Variants in EPHA3 observed in about 807,000 individuals in gnomAD.
EPHA3 encodes ephrin type-A receptor 3.
A neutral mutation model predicts 107.1 loss-of-function variants in EPHA3; 42 were observed. The ratio of observed to expected loss-of-function variants is 0.39; its 90% CI spans 0.31 to 0.51. The LOEUF (loss-of-function observed/expected upper bound fraction) is 0.51, where lower values mean the gene tolerates loss of function less well. Among genes scored for constraint, EPHA3 ranks in the 20% least tolerant of loss-of-function variants. The probability of loss-of-function intolerance (pLI) is 0.78; values close to 1 mark genes in which losing one functional copy is unlikely to be tolerated. For synonymous variants in EPHA3, 461 were observed against 424.8 expected (o/e 1.09, Z -1.05); for missense variants, 1,183 against 1,211.2 (o/e 0.98, Z 0.35).
At chr3:89,337,194 A>C (rs1707413077) in intron 3 of EPHA3, among the ~76,000 whole-genome samples, 1 of 152,228 alleles carries the variant, frequency 6.6e-6, no homozygotes, top group Non-Finnish European at 1.5e-5. Context: ...TAATTAAATA[A>C]AAGTTTAAAT....
At chr3:89,258,657 A>G (rs1705342767) in intron 3 of EPHA3, among the ~76,000 whole-genome samples, 1 of 152,228 alleles carries the variant, frequency 6.6e-6, no homozygotes, top group Non-Finnish European at 1.5e-5. Context: ...CATTCTATAG[A>G]TTTGAATTAA....
chr3:89,324,718 T>C (rs1480915313), intron 3 of EPHA3, among the ~76,000 whole-genome samples: 1 of 152,138 alleles, frequency 6.6e-6, no homozygotes, highest in Admixed American at 6.6e-5. Flanking sequence ...TCAAGTTTTA[T>C]TTTAGATTCA....
intron 2 of EPHA3, among the ~76,000 whole-genome samples, chr3:89,200,810 C>A (rs1705951003): frequency 6.6e-6 from 1 of 152,132 alleles, no homozygotes; most frequent in Non-Finnish European, 1.5e-5. Context: ...TCCCATATCC[C>A]AAAGATGTGC....
chr3:89,419,304 AGAG>A lies in EPHA3; in HGVS notation c.1992_1994del (p.Arg665del). 6.2e-7 allele frequency: 1 copy of A among 1,610,654 alleles called. No homozygotes were observed. ...CTGAAAGTTGGCTACACAGAAAAGC[AGAG>A]GAGAGACTTCCTGGGAGAAGCAAGC... On this transcript the variant is annotated inframe_deletion, in exon 11 of 17. Transcript: ENST00000336596.
chr3:89,382,503 C>A (rs1708532328), intron 5 of EPHA3, among the ~76,000 whole-genome samples: 1 of 139,782 alleles, frequency 7.2e-6, no homozygotes, highest in Admixed American at 7.2e-5. Context: ...GCAAAAATTC[C>A]ATCTCAAAAA....
chr3:89,219,688 G>GTTTTTTTTTTTTTTTTTTTTTTTTTT, intron 3 of EPHA3, among the ~76,000 whole-genome samples: 3 of 34,440 alleles, frequency 8.7e-5, no homozygotes, highest in Non-Finnish European at 1.6e-4. Flanking sequence ...ATTTGGCAAT[G>GTTTTTTTTTTTTTTTTTTTTTTTTTT]TTTTTTTTTT....
intron 3 of EPHA3, among the ~76,000 whole-genome samples, chr3:89,313,616 A>T (rs971881807): frequency 1.3e-5 from 2 of 151,968 alleles, no homozygotes; most frequent in Non-Finnish European, 2.9e-5. Context: ...AATTTTCATA[A>T]GTCTATGTCC....
intron 5 of EPHA3, among the ~76,000 whole-genome samples, chr3:89,343,075 C>T (rs1339628916): frequency 6.6e-6 from 1 of 152,160 alleles, no homozygotes; most frequent in Non-Finnish European, 1.5e-5. Context: ...CCTCTGGTCC[C>T]TAGTGGGAAT....
At chr3:89,455,413 A>T (rs190267123) in intron 15 of EPHA3, among the ~76,000 whole-genome samples, 96 of 152,352 alleles carry the variant, frequency 6.3e-4, no homozygotes, top group African/African-American at 2.3e-3. Context: ...AGAGAATAAT[A>T]TGACTGAAGG....
chr3:89,344,216 A>T (rs1055949706), intron 5 of EPHA3, among the ~76,000 whole-genome samples: 4 of 152,166 alleles, frequency 2.6e-5, no homozygotes, highest in Non-Finnish European at 5.9e-5. Context: ...TGCATTTATC[A>T]GGAAACTAAT....
In EPHA3 at chr3:89,449,284, G is replaced by T; in HGVS notation, c.2406G>T (p.Thr802=). 5 of 1,612,600 alleles carry T rather than the reference G, an allele frequency of 3.1e-6. No homozygotes were observed. The highest frequency in any genetic ancestry group is 4.2e-6 in the Non-Finnish European group (5 of 1,179,030). Residue 802 remains threonine, a synonymous_variant, in exon 14 of 17, where the codon ACG becomes ACT. Coordinates refer to ENST00000336596, the MANE Select transcript of EPHA3 (RefSeq NM_005233.6). Reference sequence around the variant, plus strand: ...AAGCTATAGCCTACCGCAAGTTCACGTCAGCCAGCGATGTATGGAGTTATG... The same window carrying T: ...AAGCTATAGCCTACCGCAAGTTCACTTCAGCCAGCGATGTATGGAGTTATG... ...SPEAIAYRKF[T]SASDVWSYGI... is the part of the protein sequence containing the mutation.
At chr3:89,146,681 A>T (rs1490799118) in intron 2 of EPHA3, among the ~76,000 whole-genome samples, 1 of 151,730 alleles carries the variant, frequency 6.6e-6, no homozygotes, top group Non-Finnish European at 1.5e-5. Flanking sequence ...CTTTTGTTGC[A>T]ATTGCTTTTG....
intron 2 of EPHA3, among the ~76,000 whole-genome samples, chr3:89,194,958 T>TGAGAG (rs1705802878): frequency 1.3e-5 from 2 of 152,112 alleles, no homozygotes; most frequent in African/African-American, 4.8e-5. Context: ...ACTTCTCTCA[T>TGAGAG]CAGCTCATAG....
At chr3:89,354,590 G>A (rs576789111) in intron 5 of EPHA3, among the ~76,000 whole-genome samples, 1 of 151,128 alleles carries the variant, frequency 6.6e-6, no homozygotes, top group Admixed American at 6.6e-5. Context: ...CTATAAGCAG[G>A]GGCCCTGACA....
chr3:89,423,379 G>A (rs889625770), intron 11 of EPHA3, among the ~76,000 whole-genome samples: 4 of 151,136 alleles, frequency 2.6e-5, no homozygotes, highest in Non-Finnish European at 5.9e-5. Flanking sequence ...GGAATAAGAG[G>A]TCATCATTTA....
chr3:89,288,012 CAT>C (rs1164929804), intron 3 of EPHA3, among the ~76,000 whole-genome samples: 2 of 151,996 alleles, frequency 1.3e-5, no homozygotes, highest in Non-Finnish European at 2.9e-5. Context: ...GACAGGAAAA[CAT>C]ACCAGAATTT....
At chr3:89,476,974 GA>G (rs1710528553) in intron 16 of EPHA3, among the ~76,000 whole-genome samples, 1 of 152,094 alleles carries the variant, frequency 6.6e-6, no homozygotes, top group Non-Finnish European at 1.5e-5. Flanking sequence ...GGTATTGGAA[GA>G]AGATGAAAGA....
At chr3:89,248,952 T>A (rs1174745883) in intron 3 of EPHA3, among the ~76,000 whole-genome samples, 1 of 152,222 alleles carries the variant, frequency 6.6e-6, no homozygotes, top group Non-Finnish European at 1.5e-5. Flanking sequence ...AAGTACTTTT[T>A]AATCCTATGT....
chr3:89,382,758 A>C (rs773902116), intron 5 of EPHA3, among the ~76,000 whole-genome samples: 78 of 152,278 alleles, frequency 5.1e-4, no homozygotes, highest in Non-Finnish European at 4.4e-5. Context: ...GGACAGAAGA[A>C]TATTGCTTGC....
Sources: gnomAD v4.1 joint callset for allele counts (sites outside exome capture counted in the v4.1 genomes callset) on GRCh38, gnomAD v4.1.1 for gene constraint, MANE v1.5 for transcripts, NCBI Gene and HGNC (gene_info 2026-07-23, HGNC 2026-07-21) for gene names.